Variants in NFATC3 observed in about 807,000 individuals in gnomAD.
NFATC3 encodes the protein nuclear factor of activated T cells 3, also known as nuclear factor of activated T-cells, cytoplasmic 3.
In NFATC3, 46 loss-of-function variants were observed where a neutral mutation model predicts 98.6. The observed-to-expected ratio is 0.47, with a 90% CI of 0.37 to 0.60. The LOEUF (loss-of-function observed/expected upper bound fraction) is 0.60, where lower values mean the gene tolerates loss of function less well. NFATC3 is among the 20% of genes least tolerant of loss of function. NFATC3 has a pLI of 0.00. For synonymous variants in NFATC3, 512 were observed against 472.2 expected (o/e 1.08, Z -1.09); for missense variants, 1,256 against 1,295.5 (o/e 0.97, Z 0.47).
chr16:68,151,069 G>A (rs1174850749), intron 3 of NFATC3, among the ~76,000 whole-genome samples: 4 of 152,180 alleles, frequency 2.6e-5, no homozygotes, highest in African/African-American at 4.8e-5. Context: ...TAGTTTAAAA[G>A]TATGGCTGGG....
At chr16:68,133,070 A>T (rs1197948168) in intron 3 of NFATC3, among the ~76,000 whole-genome samples, 1 of 152,162 alleles carries the variant, frequency 6.6e-6, no homozygotes, top group Non-Finnish European at 1.5e-5. Context: ...GTTCGAGAAC[A>T]GCCTGGCCAA....
intron 4 of NFATC3, among the ~76,000 whole-genome samples, chr16:68,159,776 A>G (rs1489747315): frequency 6.6e-6 from 1 of 151,874 alleles, no homozygotes; most frequent in South Asian, 2.1e-4. Flanking sequence ...TTGCAAGAAC[A>G]GTCCTATAAA....
In NFATC3 at chr16:68,158,070, T is replaced by G. The variant is rs1269067669; in HGVS notation, c.1601+2T>G. ...TCCTGAAAATAATATGTCAGCCAGG[T>G]ATTTTGAAATATACCTAAAATGTGC... On this transcript the variant is annotated splice_donor_variant, in intron 4 of 9. Coordinates refer to ENST00000346183, the MANE Select transcript of NFATC3 (RefSeq NM_173165.3). LOFTEE classifies it high-confidence loss of function. The G allele has an allele frequency of 6.2e-7, 1 of 1,601,108 alleles. No homozygotes were observed. The highest frequency in any genetic ancestry group is 8.5e-7 in the Non-Finnish European group (1 of 1,170,288).
chr16:68,118,972 A>AT (rs1169679239), intron 1 of NFATC3, among the ~76,000 whole-genome samples: 1 of 152,090 alleles, frequency 6.6e-6, no homozygotes, highest in Non-Finnish European at 1.5e-5. Context: ...GGTTCACGCC[A>AT]TTCTCCCACC....
intron 1 of NFATC3, chr16:68,089,244 A>G: frequency 1.0e-6 from 1 of 985,416 alleles, no homozygotes. Context: ...GGCTGAATTT[A>G]GTGAATGTCC....
At chr16:68,133,884 T>TAAA (rs529456671) in intron 3 of NFATC3, among the ~76,000 whole-genome samples, 4 of 147,248 alleles carry the variant, frequency 2.7e-5, no homozygotes, top group Admixed American at 6.8e-5. Flanking sequence ...CCCTTTTTTT[T>TAAA]AAAAAAAAAA....
rs1326904125 is a variant in NFATC3 at position 68,192,227 on chromosome 16, AAAAATATATAT to A, written c.3106+454_3106+464del. On this transcript the variant is annotated intron_variant, in intron 9 of 9. Transcript: ENST00000346183. ...CGTCTCGGGAAAAAAAAAAAAAAAA[AAAAATATATAT>A]ATATATATATATATATGTATGTGTA... The A allele has an allele frequency of 2.5e-4, 19 of 76,298 alleles. 1 individual carries two copies. The highest frequency in any genetic ancestry group is 8.8e-4 in the African/African-American group (19 of 21,686). The allele number at this position is 76,298 out of a possible 1,614,324, so 4.7% of individuals were successfully genotyped here. A position where few individuals can be genotyped will look rare whatever the true frequency, so the allele number is the denominator to read the frequency against.
In NFATC3 at chr16:68,204,166, C is replaced by T. The variant is rs547132312; in HGVS notation, c.3106+12391C>T. On this transcript the variant is annotated intron_variant, in intron 9 of 9. Transcript: ENST00000346183. Reference sequence around the variant, plus strand: ...TGGTGCCACTGCACTCCAGCCTGGGCGACAGAGCAAGACTCCATCTCCAAA... The same window carrying T: ...TGGTGCCACTGCACTCCAGCCTGGGTGACAGAGCAAGACTCCATCTCCAAA... Among the ~76,000 whole-genome samples, 4 of 151,618 alleles carry T rather than the reference C, an allele frequency of 2.6e-5. No homozygotes were observed. The East Asian group carries it at 5.8e-4, about 22-fold the overall frequency.
chr16:68,132,560 G>A (rs1019854179), intron 3 of NFATC3, among the ~76,000 whole-genome samples: 1 of 152,184 alleles, frequency 6.6e-6, no homozygotes, highest in Admixed American at 6.5e-5. Flanking sequence ...TTCATCCATA[G>A]AAGAGGAAAT....
chr16:68,217,279 A>G (rs1219259000), intron 9 of NFATC3, among the ~76,000 whole-genome samples: 1 of 151,908 alleles, frequency 6.6e-6, no homozygotes, highest in Admixed American at 6.6e-5. Context: ...AAAAAATACA[A>G]AAATTAGCTG....
intron 9 of NFATC3, chr16:68,217,920 G>C: frequency 8.2e-7 from 1 of 1,225,946 alleles, no homozygotes; most frequent in Non-Finnish European, 1.0e-6. Context: ...CTGGGTGTCA[G>C]TGTGACTAAC....
At chr16:68,143,673 GC>G (rs2037880062) in intron 3 of NFATC3, among the ~76,000 whole-genome samples, 1 of 151,826 alleles carries the variant, frequency 6.6e-6, no homozygotes, top group African/African-American at 2.4e-5. Context: ...ATATAATGAA[GC>G]CCCATCTCTA....
chr16:68,208,457 T>A (rs1031249903), intron 9 of NFATC3, among the ~76,000 whole-genome samples: 2 of 152,180 alleles, frequency 1.3e-5, no homozygotes, highest in African/African-American at 4.8e-5. Context: ...ACACTTGTAA[T>A]CCCAGCACTT....
chr16:68,129,063 C>T (rs1873619979), intron 3 of NFATC3, among the ~76,000 whole-genome samples: 1 of 152,176 alleles, frequency 6.6e-6, no homozygotes, highest in South Asian at 2.1e-4. Context: ...CCACTGCACT[C>T]CAGCCTGGGC....
intron 1 of NFATC3, among the ~76,000 whole-genome samples, chr16:68,120,513 A>G (rs181944222): frequency 6.8e-6 from 1 of 147,716 alleles, no homozygotes; most frequent in East Asian, 2.0e-4. Context: ...TCGGAGGCAG[A>G]GGTTGCAGTG....
Position 68,228,713 on chromosome 16 carries a change from A to G in NFATC3, c.*2242A>G, listed in dbSNP as rs973449186. ...GTGCAACATAGTGGTGTTAAAGCAC[A>G]CATCCATTGGACTATGCAAATCAAT... On this transcript the variant is annotated 3_prime_UTR_variant, in exon 10 of 10. Coordinates refer to ENST00000346183, the MANE Select transcript of NFATC3 (RefSeq NM_173165.3). 6.6e-6 allele frequency: 1 copy of G among 152,668 alleles called. No individual in the cohort carries two copies. The highest frequency in any genetic ancestry group is 2.4e-5 in the African/African-American group (1 of 41,470). The allele number at this position is 152,668 out of a possible 1,614,324, so 9.5% of individuals were successfully genotyped here.
chr16:68,171,396 G>A (rs949468283), intron 5 of NFATC3, among the ~76,000 whole-genome samples: 5 of 152,004 alleles, frequency 3.3e-5, no homozygotes, highest in African/African-American at 9.7e-5. Flanking sequence ...GAACAGTAGA[G>A]ACATGAGTAT....
At chr16:68,199,286 C>A (rs2040806817) in intron 9 of NFATC3, among the ~76,000 whole-genome samples, 1 of 146,280 alleles carries the variant, frequency 6.8e-6, no homozygotes, top group Admixed American at 6.7e-5. Context: ...TGCAGTGGCG[C>A]GATCTTGGCT....
chr16:68,138,120 C>T, intron 3 of NFATC3, among the ~76,000 whole-genome samples: 1 of 152,070 alleles, frequency 6.6e-6, no homozygotes, highest in East Asian at 1.9e-4. Context: ...ACTGCAACCC[C>T]TGCCTGCTGG....
Sources: allele counts gnomAD v4.1 joint callset (sites outside exome capture counted in the v4.1 genomes callset), GRCh38; gene constraint gnomAD v4.1.1; transcripts MANE v1.5; gene names NCBI Gene and HGNC (gene_info 2026-07-23, HGNC 2026-07-21).